RGL1: variants seen among roughly 807,000 people sequenced by gnomAD.
The protein encoded by RGL1 is ral guanine nucleotide dissociation stimulator like 1, also known as ral guanine nucleotide dissociation stimulator-like 1.
RGL1 carries 24 observed loss-of-function variants against 95.2 expected under a neutral mutation model. The ratio of observed to expected loss-of-function variants is 0.25; its 90% confidence interval spans 0.18 to 0.35. The LOEUF (loss-of-function observed/expected upper bound fraction) is 0.35, where lower values mean the gene tolerates loss of function less well. RGL1 is among the 10% of genes least tolerant of loss of function. The pLI, the probability that RGL1 is intolerant of heterozygous loss-of-function variation, is 1.00. For missense variants in RGL1, 715 were observed against 936.3 expected (o/e 0.76, Z 3.08); for synonymous variants, 329 against 344.9 (o/e 0.95, Z 0.51).
chr1:183,686,667 G>C (rs1315299747), intron 1 of RGL1, among the ~76,000 whole-genome samples: 2 of 152,124 alleles, frequency 1.3e-5, no homozygotes, highest in African/African-American at 2.4e-5. Context: ...CATGTGACTA[G>C]CCACGATTTA....
At chr1:183,682,190 T>TTAAC in intron 1 of RGL1, among the ~76,000 whole-genome samples, 1 of 152,162 alleles carries the variant, frequency 6.6e-6, no homozygotes, top group Non-Finnish European at 1.5e-5. Context: ...CTGGTCTTAG[T>TTAAC]TATTTCTTGT....
chr1:183,758,341 C>T (rs1244701478), intron 2 of RGL1, among the ~76,000 whole-genome samples: 5 of 152,028 alleles, frequency 3.3e-5, no homozygotes, highest in South Asian at 2.1e-4. Flanking sequence ...GGACTACGGG[C>T]GCCTGCCACC....
intron 14 of RGL1, among the ~76,000 whole-genome samples, chr1:183,909,508 G>A (rs1282400572): frequency 6.6e-6 from 1 of 152,106 alleles, no homozygotes; most frequent in Non-Finnish European, 1.5e-5. Context: ...CAGTAAGAAA[G>A]GGCATTATTT....
At chr1:183,760,110 A>G (rs1001827954) in intron 2 of RGL1, among the ~76,000 whole-genome samples, 1 of 152,244 alleles carries the variant, frequency 6.6e-6, no homozygotes, top group Non-Finnish European at 1.5e-5. Context: ...TGATGTCTAC[A>G]TTATACTGTA....
At chr1:183,790,014 G>A (rs368790008) in intron 2 of RGL1, among the ~76,000 whole-genome samples, 5 of 151,760 alleles carry the variant, frequency 3.3e-5, no homozygotes, top group East Asian at 3.9e-4. Flanking sequence ...TCCACCTCCC[G>A]GGTTCAAGCG....
At chr1:183,757,017 G>GTTTTTTTTT (rs1334256397) in intron 2 of RGL1, among the ~76,000 whole-genome samples, 2 of 80,802 alleles carry the variant, frequency 2.5e-5, no homozygotes. Context: ...TGGGTGGTTT[G>GTTTTTTTTT]TTTGTTTTTT....
At chr1:183,922,910 A>G (rs190160040) in intron 17 of RGL1, among the ~76,000 whole-genome samples, 4 of 152,336 alleles carry the variant, frequency 2.6e-5, no homozygotes, top group African/African-American at 9.6e-5. Context: ...GCCTGGGAAC[A>G]TATTATTTAA....
intron 3 of RGL1, among the ~76,000 whole-genome samples, chr1:183,849,483 G>GTTTTTTTTTTTTTTTTTTTT (rs1418103960): frequency 8.3e-6 from 1 of 120,852 alleles, no homozygotes. Context: ...CCAGTTTTTA[G>GTTTTTTTTTTTTTTTTTTTT]TTTTTTTTTT....
intron 1 of RGL1, among the ~76,000 whole-genome samples, chr1:183,696,280 G>C (rs1654248284): frequency 6.6e-6 from 1 of 152,016 alleles, no homozygotes; most frequent in Admixed American, 6.6e-5. Flanking sequence ...CTTCCTTTCT[G>C]TGCCCCCGTC....
chr1:183,707,579 G>C (rs574786186), intron 1 of RGL1, among the ~76,000 whole-genome samples: 2 of 152,174 alleles, frequency 1.3e-5, no homozygotes, highest in African/African-American at 4.8e-5. Flanking sequence ...AATGGGGAAA[G>C]GGGGGTTGAG....
At chr1:183,845,913 T>G (rs139711528) in intron 2 of RGL1, among the ~76,000 whole-genome samples, 1 of 152,164 alleles carries the variant, frequency 6.6e-6, no homozygotes, top group Non-Finnish European at 1.5e-5. Context: ...GGAATGAGTG[T>G]GCAAAAATTT....
intron 3 of RGL1, among the ~76,000 whole-genome samples, chr1:183,865,329 G>C (rs1665760333): frequency 6.6e-6 from 1 of 152,100 alleles, no homozygotes; most frequent in Admixed American, 6.6e-5. Flanking sequence ...CCAAAAATCA[G>C]ACCCCTGCAC....
intron 1 of RGL1, among the ~76,000 whole-genome samples, chr1:183,689,810 G>A (rs1016907846): frequency 1.5e-4 from 23 of 152,096 alleles, no homozygotes; most frequent in African/African-American, 5.1e-4. Flanking sequence ...ACAGAGGGAT[G>A]GGTTGATTAT....
At chr1:183,811,226 C>T (rs916960865) in intron 2 of RGL1, among the ~76,000 whole-genome samples, 8 of 152,154 alleles carry the variant, frequency 5.3e-5, no homozygotes, top group African/African-American at 1.7e-4. Flanking sequence ...TTCATTTTAA[C>T]GAACATTCCC....
intron 2 of RGL1, among the ~76,000 whole-genome samples, chr1:183,839,865 A>G (rs552841767): frequency 6.6e-6 from 1 of 152,260 alleles, no homozygotes; most frequent in Non-Finnish European, 1.5e-5. Context: ...GTCATCGGTA[A>G]CTCTCCTATA....
intron 2 of RGL1, among the ~76,000 whole-genome samples, chr1:183,813,169 A>G (rs1661838170): frequency 1.3e-5 from 2 of 152,154 alleles, no homozygotes; most frequent in South Asian, 4.1e-4. Context: ...GGCAGAGTGG[A>G]CAAGGTAGGT....
At chr1:183,695,477 T>A (rs1274029308) in intron 1 of RGL1, among the ~76,000 whole-genome samples, 1 of 152,212 alleles carries the variant, frequency 6.6e-6, no homozygotes, top group Non-Finnish European at 1.5e-5. Context: ...AGAGAATTTA[T>A]GTGATTTGTA....
upstream of RGL1, among the ~76,000 whole-genome samples, chr1:183,801,913 T>C (rs1661014017): frequency 6.6e-6 from 1 of 152,186 alleles, no homozygotes; most frequent in Non-Finnish European, 1.5e-5. Flanking sequence ...GGTACCAAGC[T>C]ATTAATGGGG....
chr1:183,822,352 A>ATT lies in RGL1; in HGVS notation c.138+15874_138+15875dup, dbSNP rs35236404. On this transcript the variant is annotated intron_variant, in intron 2 of 17. Coordinates refer to ENST00000360851, the MANE Select transcript of RGL1 (RefSeq NM_001297671.3). ...CAATTGCCCACAAAAGCCACCAAAC[A>ATT]TTTTTTTTCTGAAACTTGTAGACTT... is the stretch of plus-strand genomic sequence containing the variant. Among the ~76,000 whole-genome samples the ATT allele has an allele frequency of 2.6e-5, 4 of 151,912 alleles. No individual in the cohort carries two copies. In the South Asian group the frequency reaches 6.2e-4, roughly 24 times the overall value.
Sources: allele counts gnomAD v4.1 joint callset (sites outside exome capture counted in the v4.1 genomes callset), GRCh38; gene constraint gnomAD v4.1.1; transcripts MANE v1.5; gene names NCBI Gene and HGNC (gene_info 2026-07-23, HGNC 2026-07-21).